Variants in GRM3 observed in about 807,000 individuals in gnomAD.
GRM3 encodes metabotropic glutamate receptor 3.
GRM3 carries 26 observed loss-of-function variants against 70.5 expected under a neutral mutation model. The observed-to-expected ratio is 0.37, with a 90% CI of 0.27 to 0.51. The LOEUF (loss-of-function observed/expected upper bound fraction) is 0.51. Among genes scored for constraint, GRM3 ranks in the 20% least tolerant of loss-of-function variants. The pLI is 0.93. For missense variants in GRM3, 859 were observed against 1,123.8 expected (o/e 0.76, Z 3.37); for synonymous variants, 443 against 434.9 (o/e 1.02, Z -0.23).
intron 1 of GRM3, among the ~76,000 whole-genome samples, chr7:86,756,379 C>T (rs569074307): frequency 1.3e-5 from 2 of 152,146 alleles, no homozygotes; most frequent in East Asian, 3.9e-4. Context: ...GTGCCTGGCC[C>T]TCCTCTAGCA....
At chr7:86,740,363 G>C (rs1216015719) in intron 1 of GRM3, among the ~76,000 whole-genome samples, 1 of 152,104 alleles carries the variant, frequency 6.6e-6, no homozygotes, top group Non-Finnish European at 1.5e-5. Context: ...AAAAGTCAAG[G>C]CTGGGGAGAA....
chr7:86,653,791 T>C (rs1793665679), intron 1 of GRM3, among the ~76,000 whole-genome samples: 1 of 152,046 alleles, frequency 6.6e-6, no homozygotes. Context: ...TTATCCTATA[T>C]TTTATCATTA....
intron 1 of GRM3, among the ~76,000 whole-genome samples, chr7:86,667,958 T>C (rs895583888): frequency 6.6e-6 from 1 of 152,066 alleles, no homozygotes; most frequent in Non-Finnish European, 1.5e-5. Context: ...TAAAGGGAGA[T>C]TTTGGGTAGC....
intron 1 of GRM3, among the ~76,000 whole-genome samples, chr7:86,739,215 G>T (rs141394777): frequency 0.022 from 3,369 of 152,232 alleles, 130 homozygotes; most frequent in African/African-American, 0.076. Context: ...GACCTCAGGT[G>T]ATCTGCACAC....
At chr7:86,694,560 TA>T (rs1022688650) in intron 1 of GRM3, among the ~76,000 whole-genome samples, 1 of 109,796 alleles carries the variant, frequency 9.1e-6, no homozygotes, top group Non-Finnish European at 2.0e-5. Flanking sequence ...AGAAAGAAAA[TA>T]AAAAAAGAAA....
chr7:86,675,396 G>A (rs1279136699), intron 1 of GRM3, among the ~76,000 whole-genome samples: 1 of 152,042 alleles, frequency 6.6e-6, no homozygotes, highest in Non-Finnish European at 1.5e-5. Context: ...GTCTGTTTTA[G>A]TTGGAAGCCT....
At position 86,656,292 on chromosome 7, in the gene GRM3, G is replaced by A. The variant is rs184742295; in HGVS notation, c.-141+11420G>A. ...TTTTTTTTTTTTTTTTTGAGACAGA[G>A]TCTTGCTGTGTTGCCCAGGCTGGAG... On this transcript the variant is annotated intron_variant, in intron 1 of 5. Coordinates refer to ENST00000361669, the MANE Select transcript of GRM3 (RefSeq NM_000840.3). 5.7e-3 allele frequency among the ~76,000 whole-genome samples: 657 copies of A among 114,594 alleles called. 5 individuals are homozygous for A. Among genetic ancestry groups the A allele is most frequent in the African/African-American group, 0.021 (627 of 29,554 alleles). The allele number at this position is 114,594 out of a possible 152,430, so 75.2% of individuals were successfully genotyped here. A position where few individuals can be genotyped will look rare whatever the true frequency, so the allele number is the denominator to read the frequency against.
Position 86,839,650 on chromosome 7 carries a change from A to C in GRM3, c.2136A>C (p.Pro712=). Residue 712 remains proline (P), a synonymous_variant, in exon 4 of 6, where the codon CCA becomes CCC. Coordinates refer to ENST00000361669, the MANE Select transcript of GRM3 (RefSeq NM_000840.3). This position sits in a 1 kb window ranked among gnomAD's most constrained non-coding sequence, Gnocchi z 4.5. ...MVSVWLILEA[P]GTRRYTLAEK... ...CTGTGTGGCTCATCCTGGAGGCCCC[A>C]GGCACCAGGAGGTATACCCTTGCAG... 1 of 1,613,236 alleles carries C rather than the reference A, an allele frequency of 6.2e-7. No individual in the cohort carries two copies. The highest frequency in any genetic ancestry group is 8.5e-7 in the Non-Finnish European group (1 of 1,179,210).
At chr7:86,755,900 T>C (rs1796334767) in intron 1 of GRM3, among the ~76,000 whole-genome samples, 1 of 152,304 alleles carries the variant, frequency 6.6e-6, no homozygotes, top group Non-Finnish European at 1.5e-5. Flanking sequence ...GTGACAAATA[T>C]AGCTTTTATG....
chr7:86,766,178 T>C (rs1325242201), intron 2 of GRM3, among the ~76,000 whole-genome samples: 2 of 152,138 alleles, frequency 1.3e-5, no homozygotes, highest in Non-Finnish European at 2.9e-5. Flanking sequence ...GCTGCAGTTA[T>C]GCAACAGACT....
intron 3 of GRM3, among the ~76,000 whole-genome samples, chr7:86,814,706 T>A (rs1797981401): frequency 6.6e-6 from 1 of 151,582 alleles, no homozygotes; most frequent in South Asian, 2.1e-4. Context: ...ATTTACCAAA[T>A]AGCTAGTAGC....
Position 86,818,823 on chromosome 7 carries a change from A to C in GRM3, c.1325-20016A>C, listed in dbSNP as rs1164842612. On this transcript the variant is annotated intron_variant, in intron 3 of 5. Transcript: ENST00000361669. ...ATTCAAGAAAGTAAATACAACAATT[A>C]GCAAGGGAAGAGAAATATCTGATCC... 2.6e-5 allele frequency among the ~76,000 whole-genome samples: 4 copies of C among 152,280 alleles called. No individual in the cohort carries two copies. In the East Asian group the frequency reaches 5.8e-4, roughly 22 times the overall value.
chr7:86,759,135 C>T (rs1301011381), intron 1 of GRM3, among the ~76,000 whole-genome samples: 3 of 152,098 alleles, frequency 2.0e-5, no homozygotes, highest in Non-Finnish European at 4.4e-5. Flanking sequence ...CTATTCTGCC[C>T]CGTCCTTCAT....
intron 3 of GRM3, among the ~76,000 whole-genome samples, chr7:86,812,120 T>G (rs561962974): frequency 2.6e-5 from 4 of 151,748 alleles, no homozygotes; most frequent in African/African-American, 9.7e-5. Context: ...GTTTATTAGT[T>G]TGAAATGTTT....
intron 1 of GRM3, among the ~76,000 whole-genome samples, chr7:86,685,740 A>G (rs1321651486): frequency 6.6e-6 from 1 of 152,044 alleles, no homozygotes; most frequent in East Asian, 1.9e-4. Flanking sequence ...CCCCTTCTCT[A>G]CTAAAAATAC....
chr7:86,698,537 T>A (rs753678533), intron 1 of GRM3, among the ~76,000 whole-genome samples: 18 of 141,936 alleles, frequency 1.3e-4, no homozygotes, highest in Non-Finnish European at 2.2e-4. Context: ...TATATATATA[T>A]AAAATACACA....
intron 1 of GRM3, among the ~76,000 whole-genome samples, chr7:86,651,767 T>G (rs2115777115): frequency 6.6e-6 from 1 of 152,280 alleles, no homozygotes; most frequent in Non-Finnish European, 1.5e-5. Flanking sequence ...CTAACAAATC[T>G]CTTCCATAGA....
chr7:86,688,828 A>G (rs1213676428), intron 1 of GRM3, among the ~76,000 whole-genome samples: 2 of 148,574 alleles, frequency 1.3e-5, no homozygotes, highest in Non-Finnish European at 3.0e-5. Flanking sequence ...ATATATATAT[A>G]TATATGTGTT....
At chr7:86,651,555 T>C (rs1175585384) in intron 1 of GRM3, among the ~76,000 whole-genome samples, 2 of 152,166 alleles carry the variant, frequency 1.3e-5, no homozygotes, top group Non-Finnish European at 2.9e-5. Context: ...AGAGTATAAT[T>C]AACTTTCTAC....
Sources: gnomAD v4.1 joint callset for allele counts (sites outside exome capture counted in the v4.1 genomes callset) on GRCh38, gnomAD v4.1.1 for gene constraint, Gnocchi (gnomAD v3.1) non-coding constraint, MANE v1.5 for transcripts, NCBI Gene and HGNC (gene_info 2026-07-23, HGNC 2026-07-21) for gene names.